RAD52: variants seen among roughly 807,000 people sequenced by gnomAD.
The protein encoded by RAD52 is DNA repair protein RAD52 homolog.
A neutral mutation model predicts 55.5 loss-of-function variants in RAD52; 47 were observed. The ratio of observed to expected loss-of-function variants is 0.85; its 90% CI spans 0.67 to 1.08. RAD52 has a LOEUF of 1.08. Ranked by LOEUF, RAD52 falls within the 50% of genes least tolerant of loss-of-function variation. The probability of loss-of-function intolerance (pLI) is 0.00; values close to 1 mark genes in which losing one functional copy is unlikely to be tolerated. For synonymous variants in RAD52, 184 were observed against 198.9 expected, an observed-to-expected ratio of 0.92 and a Z score of 0.63; for missense variants, 468 against 522.8, an observed-to-expected ratio of 0.90 and a Z score of 1.02.
intron 1 of RAD52, among the ~76,000 whole-genome samples, chr12:971,066 A>C (rs1417467895): frequency 6.6e-6 from 1 of 152,230 alleles, no homozygotes; most frequent in Admixed American, 6.5e-5. Context: ...ATGCAAAGAT[A>C]AAATATAGAT....
In RAD52 at chr12:981,676, G is replaced by A. The variant is rs151098632; in HGVS notation, c.-19+8133C>T. Among the ~76,000 whole-genome samples the A allele has an allele frequency of 6.3e-3, 953 of 151,684 alleles. 13 individuals are homozygous for A. The highest frequency in any genetic ancestry group is 0.021 in the African/African-American group (881 of 41,320). ...GGAGGCTGAGGCAGGATAATCGCTCGAGCCCAGGAGGTGAAGGTTGAAGTG... is the reference window on the plus strand; with the variant it reads ...GGAGGCTGAGGCAGGATAATCGCTCAAGCCCAGGAGGTGAAGGTTGAAGTG... On this transcript the variant is annotated intron_variant, in intron 1 of 11. Coordinates refer to the RAD52 transcript ENST00000430095.
chr12:932,662 T>C (rs1365569293), intron 2 of RAD52, among the ~76,000 whole-genome samples: 1 of 139,192 alleles, frequency 7.2e-6, no homozygotes, highest in Non-Finnish European at 1.6e-5. Flanking sequence ...AGTCTTTTGA[T>C]AGCTAACATT....
chr12:976,331 C>T (rs1958935458), intron 1 of RAD52: 1 of 152,136 alleles, frequency 6.6e-6, no homozygotes, highest in African/African-American at 2.4e-5. Context: ...AAAAAAAAGC[C>T]CCAAACTCTT....
In RAD52 at chr12:927,735, G is replaced by A. The variant is rs550786858; in HGVS notation, c.349-472C>T. ...ACAAAAATTAGCCGGGTGTGGTGGT[G>A]GGCACCTGTAATCCCAGCTACTCAG... On this transcript the variant is annotated intron_variant, in intron 5 of 11. Transcript: ENST00000358495. 2.0e-5 allele frequency among the ~76,000 whole-genome samples: 3 copies of A among 152,106 alleles called. No homozygotes were observed. The East Asian group carries it at 5.8e-4, about 29-fold the overall frequency.
chr12:974,491 C>T (rs907203855), intron 1 of RAD52: 2 of 152,152 alleles, frequency 1.3e-5, no homozygotes, highest in Non-Finnish European at 2.9e-5. Flanking sequence ...AGGGGAGGTC[C>T]GAGGGAACTG....
upstream of RAD52, among the ~76,000 whole-genome samples, chr12:954,511 A>G (rs181466488): frequency 2.6e-5 from 4 of 152,236 alleles, no homozygotes; most frequent in Admixed American, 6.5e-5. Flanking sequence ...ACGCACCTGT[A>G]ATCCCAGCTA....
chr12:915,648 C>G (rs1352739663), intron 9 of RAD52, among the ~76,000 whole-genome samples: 2 of 152,164 alleles, frequency 1.3e-5, no homozygotes, highest in African/African-American at 4.8e-5. Flanking sequence ...GCCAAAAGTT[C>G]CCGTTATTCT....
intron 1 of RAD52, among the ~76,000 whole-genome samples, chr12:966,914 A>T (rs1331266236): frequency 6.6e-6 from 1 of 152,108 alleles, no homozygotes. Context: ...AAGGTAAAAA[A>T]AAAAATCTAT....
chr12:929,015 C>T (rs1421370041), intron 5 of RAD52, among the ~76,000 whole-genome samples: 1 of 152,104 alleles, frequency 6.6e-6, no homozygotes, highest in Non-Finnish European at 1.5e-5. Context: ...CAAGCATACA[C>T]CACCATGCCC....
intron 1 of RAD52, among the ~76,000 whole-genome samples, chr12:960,077 G>A (rs1238997815): frequency 6.6e-6 from 1 of 152,140 alleles, no homozygotes; most frequent in Non-Finnish European, 1.5e-5. Context: ...TTAAGTTTAT[G>A]GGACCCCTAT....
chr12:937,221 A>C (rs915980874), intron 1 of RAD52, among the ~76,000 whole-genome samples: 1 of 152,152 alleles, frequency 6.6e-6, no homozygotes, highest in Non-Finnish European at 1.5e-5. Flanking sequence ...ACTTGCACCA[A>C]GGGCAACCAA....
At position 919,894 on chromosome 12, in the gene RAD52, T is replaced by C. The variant is rs552120576; in HGVS notation, c.544-3074A>G. Among the ~76,000 whole-genome samples, 5 of 116,124 alleles carry C rather than the reference T, an allele frequency of 4.3e-5. 2 individuals are homozygous for C. The highest frequency in any genetic ancestry group is 1.8e-4 in the African/African-American group (5 of 28,008). The allele number at this position is 116,124 out of a possible 152,430, so 76.2% of individuals were successfully genotyped here. A position where few individuals can be genotyped will look rare whatever the true frequency, so the allele number is the denominator to read the frequency against. On this transcript the variant is annotated intron_variant, in intron 7 of 11. Coordinates refer to ENST00000358495, the MANE Select transcript of RAD52 (RefSeq NM_134424.4). ...ATGGTGAAACCCCCTCTCTACAAAA[T>C]ACAAAAAATTAGCTGGGTGTGGTGG...
intron 1 of RAD52, 43 bp downstream of exon 1, chr12:949,559 G>A (rs976918128): frequency 6.6e-6 from 1 of 152,352 alleles, no homozygotes; most frequent in Non-Finnish European, 1.5e-5. Flanking sequence ...CACACCCACG[G>A]CTAGAACCAC....
upstream of RAD52, chr12:990,684 C>A (rs1046396095): frequency 6.6e-6 from 1 of 152,264 alleles, no homozygotes; most frequent in African/African-American, 2.4e-5. Context: ...GGGCAAAAAA[C>A]CAGCTTTCTT....
Position 916,350 on chromosome 12 carries a change from T to A in RAD52, c.859A>T (p.Ser287Cys). 3 of 1,605,916 alleles carry A rather than the reference T, an allele frequency of 1.9e-6. No homozygotes were observed. Among genetic ancestry groups the A allele is most frequent in the Non-Finnish European group, 2.5e-6 (3 of 1,179,900 alleles). Reference sequence around the variant, plus strand: ...GCTCCCACCCCTCGCTCACCCTCACTCTTCTCAGCTGACGGCGTGGAGACT... The same window carrying A: ...GCTCCCACCCCTCGCTCACCCTCACACTTCTCAGCTGACGGCGTGGAGACT... The part of the protein sequence containing the change: ...VRVSTPSAEK[S>C]EAAPPAPPVT... Residue 287 changes from serine (S) to cysteine (C), a missense_variant, in exon 9 of 12, where the codon AGT becomes TGT. Ser to Cys is a moderately radical substitution (Grantham distance 112, BLOSUM62 -1). Coordinates refer to ENST00000358495, the MANE Select transcript of RAD52 (RefSeq NM_134424.4).
intron 3 of RAD52, among the ~76,000 whole-genome samples, chr12:930,899 G>A (rs1957291460): frequency 6.6e-6 from 1 of 151,796 alleles, no homozygotes; most frequent in South Asian, 2.1e-4. Flanking sequence ...CCTGGGAGGT[G>A]GAGGCTGCAG....
intron 4 of RAD52, 56 bp from the exon 5 acceptor site, chr12:929,942 A>G: frequency 6.3e-7 from 1 of 1,578,778 alleles, no homozygotes; most frequent in Non-Finnish European, 8.7e-7. Flanking sequence ...GGCCACAACC[A>G]TTCCTCCTGC....
At position 916,666 on chromosome 12, in the gene RAD52, A is replaced by G; in HGVS notation, c.698T>C (p.Ile233Thr). ...GGAGCTGCAGTCCTGGTCCGCCGGTATCACAGCATGGCTGGGTCTGGAAGG... is the reference window on the plus strand; with the variant it reads ...GGAGCTGCAGTCCTGGTCCGCCGGTGTCACAGCATGGCTGGGTCTGGAAGG... The part of the protein sequence containing the change: ...TSPSRPSHAV[I>T]PADQDCSSRS... The change falls in exon 8 of 12, where the codon ATA becomes ACA. Residue 233 changes from isoleucine (I) to threonine (T), a missense_variant. By Grantham distance (89) the Ile-to-Thr change is moderately conservative. Transcript: ENST00000358495. 1 of 1,614,056 alleles carries G rather than the reference A, an allele frequency of 6.2e-7. No homozygotes were observed. The highest frequency in any genetic ancestry group is 8.5e-7 in the Non-Finnish European group (1 of 1,179,942).
intron 1 of RAD52, among the ~76,000 whole-genome samples, chr12:989,015 AAAG>A (rs1304830768): frequency 2.6e-5 from 4 of 152,230 alleles, no homozygotes; most frequent in Admixed American, 2.6e-4. Context: ...GTGCTAGAAT[AAAG>A]AATACTTTAC....
Sources: allele counts gnomAD v4.1 joint callset (sites outside exome capture counted in the v4.1 genomes callset), GRCh38; gene constraint gnomAD v4.1.1; transcripts MANE v1.5; gene names NCBI Gene and HGNC (gene_info 2026-07-23, HGNC 2026-07-21).